The following ADAMTS17 variants were observed in gnomAD, a reference collection of about 807,000 sequenced individuals.
The protein encoded by ADAMTS17 is ADAM metallopeptidase with thrombospondin type 1 motif 17, also known as A disintegrin and metalloproteinase with thrombospondin motifs 17.
A neutral mutation model predicts 141.5 loss-of-function variants in ADAMTS17; 113 were observed. That is an observed-to-expected ratio of 0.80 (90% CI 0.69 to 0.93). The LOEUF (loss-of-function observed/expected upper bound fraction) is 0.93. Among genes scored for constraint, ADAMTS17 ranks in the 40% least tolerant of loss-of-function variants. ADAMTS17 has a pLI of 0.00. For synonymous variants in ADAMTS17, 768 were observed against 630.6 expected (o/e 1.22, Z -3.27); for missense variants, 1,659 against 1,517.9 (o/e 1.09, Z -1.54).
chr15:100,188,326 C>T (rs2040795176), intron 8 of ADAMTS17, among the ~76,000 whole-genome samples: 1 of 151,920 alleles, frequency 6.6e-6, no homozygotes, highest in Non-Finnish European at 1.5e-5. Context: ...ATCTGCCCGC[C>T]TCAGCCTCCC....
intron 3 of ADAMTS17, among the ~76,000 whole-genome samples, chr15:100,287,178 C>G (rs1208143464): frequency 6.6e-6 from 1 of 152,138 alleles, no homozygotes; most frequent in Non-Finnish European, 1.5e-5. Flanking sequence ...CACAGCAAGA[C>G]TCCATCTCAA....
rs946753220 is a variant in ADAMTS17, at chr15:99,971,590, A to T, written c.*2812T>A. On this transcript the variant is annotated 3_prime_UTR_variant, in exon 22 of 22. Transcript: ENST00000268070. ...CCCCAAAAAGTAAAACAAAAATTCCATGGGTACAGTATGTAATGCAAGTTA... is the reference window on the plus strand; with the variant it reads ...CCCCAAAAAGTAAAACAAAAATTCCTTGGGTACAGTATGTAATGCAAGTTA... 1 of 152,162 alleles carries T rather than the reference A, an allele frequency of 6.6e-6. No individual in the cohort carries two copies. The highest frequency in any genetic ancestry group is 6.5e-5 in the Admixed American group (1 of 15,278). 9.4% of individuals were successfully genotyped at this position (152,162 alleles called of 1,614,324 possible).
intron 10 of ADAMTS17, among the ~76,000 whole-genome samples, chr15:100,133,907 T>A (rs3983276): frequency 6.6e-6 from 1 of 152,284 alleles, no homozygotes; most frequent in South Asian, 2.1e-4. Flanking sequence ...CACAATTTTT[T>A]ATAGCATTTT....
chr15:100,339,614 CCGCCCCAGG>C (rs1396233314), intron 2 of ADAMTS17, among the ~76,000 whole-genome samples: 11 of 110,566 alleles, frequency 9.9e-5, no homozygotes, highest in Non-Finnish European at 1.8e-4. Flanking sequence ...TCCACATTCC[CCGCCCCAGG>C]TCCACATTCC....
intron 18 of ADAMTS17, among the ~76,000 whole-genome samples, chr15:100,020,686 T>C (rs749622135): frequency 2.0e-5 from 3 of 152,218 alleles, no homozygotes; most frequent in South Asian, 2.1e-4. Flanking sequence ...ATAAAGTCCA[T>C]GTTCATGGTG....
At chr15:100,068,211 G>T (rs192688121) in intron 15 of ADAMTS17, among the ~76,000 whole-genome samples, 1 of 152,032 alleles carries the variant, frequency 6.6e-6, no homozygotes, top group Non-Finnish European at 1.5e-5. Context: ...GGGGAGGGGC[G>T]CCCGCCATTG....
chr15:100,204,861 G>A (rs1324701221), intron 7 of ADAMTS17, among the ~76,000 whole-genome samples: 1 of 152,238 alleles, frequency 6.6e-6, no homozygotes. Flanking sequence ...GCCAGCCCAA[G>A]CAATGAATGT....
intron 15 of ADAMTS17, among the ~76,000 whole-genome samples, 162 bp downstream of exon 15, chr15:100,096,194 A>C (rs900568248): frequency 6.6e-6 from 1 of 152,188 alleles, no homozygotes; most frequent in African/African-American, 2.4e-5. Flanking sequence ...TTCTTGCTAA[A>C]ATGTCCTTTC....
At chr15:100,086,031 A>C (rs2035076902) in intron 15 of ADAMTS17, among the ~76,000 whole-genome samples, 2 of 150,964 alleles carry the variant, frequency 1.3e-5, no homozygotes, top group Admixed American at 1.3e-4. Context: ...TAAATGCTCC[A>C]ATTAAAAGAC....
chr15:100,074,952 C>A (rs1008403739), intron 15 of ADAMTS17, among the ~76,000 whole-genome samples: 1 of 152,112 alleles, frequency 6.6e-6, no homozygotes, highest in Non-Finnish European at 1.5e-5. Context: ...CCATTTGGTT[C>A]ATTAAATGAG....
At chr15:100,183,915 T>C (rs1167418089) in intron 8 of ADAMTS17, among the ~76,000 whole-genome samples, 1 of 152,192 alleles carries the variant, frequency 6.6e-6, no homozygotes, top group Admixed American at 6.5e-5. Context: ...CTGCTGGTGA[T>C]ATCTGTGGGG....
intron 3 of ADAMTS17, among the ~76,000 whole-genome samples, chr15:100,312,827 C>A (rs748436330): frequency 2.0e-5 from 3 of 151,530 alleles, no homozygotes; most frequent in Non-Finnish European, 3.0e-5. Flanking sequence ...CTTTAATGTA[C>A]CAAAGGCCCT....
At chr15:100,225,168 C>G (rs1035625065) in intron 7 of ADAMTS17, among the ~76,000 whole-genome samples, 1 of 152,252 alleles carries the variant, frequency 6.6e-6, no homozygotes, top group Admixed American at 6.5e-5. Context: ...TGGAAACATA[C>G]TTAACCATCT....
chr15:100,156,667 T>C (rs534985779), intron 8 of ADAMTS17, among the ~76,000 whole-genome samples: 5 of 152,342 alleles, frequency 3.3e-5, no homozygotes, highest in African/African-American at 9.6e-5. Flanking sequence ...AACACCAAGT[T>C]GTTGTTCTCA....
chr15:100,222,900 T>C (rs74037573), intron 7 of ADAMTS17, among the ~76,000 whole-genome samples: 24,776 of 152,206 alleles, frequency 0.16, 2,277 homozygotes, highest in Non-Finnish European at 0.22. Flanking sequence ...GTCTTTTGAA[T>C]TGTGTTCTTC....
chr15:100,274,991 G>A (rs1251727164), intron 4 of ADAMTS17, among the ~76,000 whole-genome samples: 2 of 152,100 alleles, frequency 1.3e-5, no homozygotes, highest in Non-Finnish European at 2.9e-5. Flanking sequence ...CAGCAGAATG[G>A]TTTTTTGAAA....
intron 2 of ADAMTS17, among the ~76,000 whole-genome samples, chr15:100,340,362 GGGGCAGGAATA>G (rs997973075): frequency 7.2e-5 from 11 of 152,230 alleles, no homozygotes; most frequent in African/African-American, 2.7e-4. Context: ...GGAGCTCCTG[GGGGCAGGAATA>G]GGGTTTATCA....
At chr15:100,274,131 C>T (rs1462098574) in intron 4 of ADAMTS17, among the ~76,000 whole-genome samples, 2 of 151,966 alleles carry the variant, frequency 1.3e-5, no homozygotes, top group Non-Finnish European at 2.9e-5. Flanking sequence ...CCCATGTTCC[C>T]TTGAGGAAAA....
At chr15:100,159,870 T>C (rs944864714) in intron 8 of ADAMTS17, among the ~76,000 whole-genome samples, 3 of 152,200 alleles carry the variant, frequency 2.0e-5, no homozygotes, top group African/African-American at 4.8e-5. Context: ...CATTCAGGAA[T>C]GTAAGCCTAA....
Sources: allele counts gnomAD v4.1 joint callset (sites outside exome capture counted in the v4.1 genomes callset), GRCh38; gene constraint gnomAD v4.1.1; transcripts MANE v1.5; gene names NCBI Gene and HGNC (gene_info 2026-07-23, HGNC 2026-07-21).